Variants in XPO1 observed in about 807,000 individuals in gnomAD.
The protein encoded by XPO1 is exportin 1.
XPO1 carries 5 observed loss-of-function variants against 133.3 expected under a neutral mutation model. That is an observed-to-expected ratio of 0.04 (90% CI 0.02 to 0.08). The LOEUF (loss-of-function observed/expected upper bound fraction) is 0.08, where lower values mean the gene tolerates loss of function less well. Among genes scored for constraint, XPO1 ranks in the 10% least tolerant of loss-of-function variants. XPO1 has a pLI of 1.00. For missense variants in XPO1, 506 were observed against 1,267.5 expected (o/e 0.40, Z 9.12); for synonymous variants, 419 against 408.2 (o/e 1.03, Z -0.32).
At chr2:61,496,144 C>A (rs987844657) in intron 10 of XPO1, among the ~76,000 whole-genome samples, 1 of 152,054 alleles carries the variant, frequency 6.6e-6, no homozygotes, top group Non-Finnish European at 1.5e-5. Context: ...GTATTTCTCA[C>A]TGACATTGAA....
intron 17 of XPO1, among the ~76,000 whole-genome samples, chr2:61,489,544 A>G (rs954160927): frequency 1.3e-5 from 2 of 151,946 alleles, no homozygotes; most frequent in African/African-American, 4.8e-5. Flanking sequence ...CTTAAGAATG[A>G]AGTAATATAG....
Position 61,478,059 on chromosome 2 carries a change from T to A in XPO1, c.*761A>T. 1 of 232,446 alleles carries A rather than the reference T, an allele frequency of 4.3e-6. No homozygotes were observed. Among genetic ancestry groups the A allele is most frequent in the Admixed American group, 5.6e-5 (1 of 17,718 alleles). 14.4% of individuals were successfully genotyped at this position (232,446 alleles called of 1,614,324 possible). ...GTTGTTTTGTTTTTTAATGAGTTGT[T>A]AAAAAGATGCAGCCTATTCTAACAG... On this transcript the variant is annotated 3_prime_UTR_variant, in exon 25 of 25. Transcript: ENST00000401558.
At chr2:61,500,012 C>T (rs1433221070) in intron 6 of XPO1, 118 bp from the exon 7 acceptor site, 4 of 1,021,870 alleles carry the variant, frequency 3.9e-6, no homozygotes, top group Non-Finnish European at 5.7e-6. Flanking sequence ...TTTTCATTTT[C>T]TCCTCCTTTA....
chr2:61,482,033 C>CTTTTTTTTTTTTTTTTTTTTTTTT lies in XPO1; in HGVS notation c.2972+346_2972+347insAAAAAAAAAAAAAAAAAAAAAAAA, dbSNP rs1491506588. ...TACAGTCATGAGCCACCGTGCGTGG[C>CTTTTTTTTTTTTTTTTTTTTTTTT]CTTTTTTTTTTTTTTTTTTTTTTTG... is the stretch of plus-strand genomic sequence containing the variant. On this transcript the variant is annotated intron_variant, in intron 23 of 24. Coordinates refer to ENST00000401558, the MANE Select transcript of XPO1 (RefSeq NM_003400.4). Among the ~76,000 whole-genome samples the CTTTTTTTTTTTTTTTTTTTTTTTT allele has an allele frequency of 7.7e-4, 67 of 86,830 alleles. 16 individuals are homozygous for CTTTTTTTTTTTTTTTTTTTTTTTT. Among genetic ancestry groups the CTTTTTTTTTTTTTTTTTTTTTTTT allele is most frequent in the Non-Finnish European group, 1.2e-3 (48 of 40,032 alleles). 57.0% of individuals were successfully genotyped at this position (86,830 alleles called of 152,430 possible).
rs1202049539 is a variant in XPO1 at position 61,482,523 on chromosome 2, T to C, written c.2829A>G (p.Ala943=). The change falls in exon 23 of 25, where the codon GCA becomes GCG. Residue 943 remains alanine, a synonymous_variant. Coordinates refer to ENST00000401558, the MANE Select transcript of XPO1 (RefSeq NM_003400.4). ...AATTAAACATATATGCAAGAATTGATGCATGCATTGTTAAACCTGTTGATA... is the reference window on the plus strand; with the variant it reads ...AATTAAACATATATGCAAGAATTGACGCATGCATTGTTAAACCTGTTGATA... ...TSHTAGLTMH[A]SILAYMFNLV... 4 of 1,609,324 alleles carry C rather than the reference T, an allele frequency of 2.5e-6. No individual in the cohort carries two copies. Among genetic ancestry groups the C allele is most frequent in the South Asian group, 1.1e-5 (1 of 90,418 alleles).
intron 4 of XPO1, among the ~76,000 whole-genome samples, chr2:61,520,612 T>C (rs914899456): frequency 6.6e-6 from 1 of 152,152 alleles, no homozygotes; most frequent in African/African-American, 2.4e-5. Flanking sequence ...GCCAATGCAC[T>C]CCAGCCTGAG....
At chr2:61,491,622 C>A (rs768417893) in intron 16 of XPO1, among the ~76,000 whole-genome samples, 3 of 151,982 alleles carry the variant, frequency 2.0e-5, no homozygotes, top group Non-Finnish European at 2.9e-5. Flanking sequence ...CCAGGCTGGG[C>A]GTGGTGGCTC....
intron 2 of XPO1, 54 bp downstream of exon 2, chr2:61,533,718 C>A: frequency 7.2e-7 from 1 of 1,396,042 alleles, no homozygotes; most frequent in Middle Eastern, 1.9e-4. Context: ...ATTCTAAACC[C>A]AACAACTCTG....
intron 4 of XPO1, among the ~76,000 whole-genome samples, chr2:61,515,069 T>TTAAA (rs1553412376): frequency 7.8e-6 from 1 of 127,394 alleles, no homozygotes; most frequent in Non-Finnish European, 1.6e-5. Flanking sequence ...GTGACTGTCT[T>TTAAA]AAAAAAAAAA....
chr2:61,494,998 C>T (rs1697175969), intron 11 of XPO1, among the ~76,000 whole-genome samples: 1 of 151,762 alleles, frequency 6.6e-6, no homozygotes, highest in South Asian at 2.1e-4. Flanking sequence ...TGTGACACCA[C>T]GCACAGCTAA....
chr2:61,511,669 G>C (rs1698103124), intron 4 of XPO1, among the ~76,000 whole-genome samples: 1 of 152,174 alleles, frequency 6.6e-6, no homozygotes, highest in Admixed American at 6.5e-5. Context: ...AAACTGCTGG[G>C]ATTGCAGGCC....
chr2:61,517,127 C>G (rs1009542357), intron 4 of XPO1, among the ~76,000 whole-genome samples: 1 of 152,060 alleles, frequency 6.6e-6, no homozygotes, highest in African/African-American at 2.4e-5. Context: ...TAGTCTCGAA[C>G]TGACCTCAGG....
chr2:61,489,056 C>T (rs1290798363), intron 17 of XPO1, among the ~76,000 whole-genome samples: 3 of 151,054 alleles, frequency 2.0e-5, no homozygotes, highest in South Asian at 2.1e-4. Flanking sequence ...GAGCCGAGAT[C>T]GCACCACTGC....
At position 61,482,341 on chromosome 2, in the gene XPO1, G is replaced by GGATT. The variant is rs1696430435; in HGVS notation, c.2972+38_2972+39insAATC. ...ATTACAGGTGTGAGCCACTGTGCCC[G>GGATT]ACCAGGAACATTCTACGTTTATTAA... On this transcript the variant is annotated intron_variant, in intron 23 of 24. Coordinates refer to ENST00000401558, the MANE Select transcript of XPO1 (RefSeq NM_003400.4). 10 of 1,542,758 alleles carry GGATT rather than the reference G, an allele frequency of 6.5e-6. No individual in the cohort carries two copies. The South Asian group carries it at 1.2e-4, about 19-fold the overall frequency.
rs781424037 is a variant in XPO1 at position 61,492,873 on chromosome 2, T to C, written c.1384+42A>G. 1.1e-5 allele frequency: 17 copies of C among 1,571,062 alleles called. No homozygotes were observed. The highest frequency in any genetic ancestry group is 2.7e-5 in the African/African-American group (2 of 73,298). ...CCTAAAATGTATTTCCACCCCAGAA[T>C]AGATTTATAAAGGTAAAGATTAACA... On this transcript the variant is annotated intron_variant, in intron 13 of 24. Transcript: ENST00000401558. The surrounding 1 kb of genome is among the most constrained non-coding windows in gnomAD (Gnocchi z 5.6).
chr2:61,512,376 T>G (rs570158866), intron 4 of XPO1, among the ~76,000 whole-genome samples: 5 of 152,210 alleles, frequency 3.3e-5, no homozygotes, highest in Non-Finnish European at 7.3e-5. Context: ...TGCTCTGAAT[T>G]CCATAGTCAA....
intron 22 of XPO1, 58 bp from the exon 23 acceptor site, chr2:61,482,597 GTTTTT>G: frequency 1.2e-5 from 14 of 1,195,108 alleles, no homozygotes; most frequent in Non-Finnish European, 1.5e-5. Context: ...AGATCTTAGC[GTTTTT>G]TTTTGTTTTG....
chr2:61,507,555 A>T (rs1697889043), intron 4 of XPO1, among the ~76,000 whole-genome samples: 1 of 151,792 alleles, frequency 6.6e-6, no homozygotes, highest in Non-Finnish European at 1.5e-5. Context: ...TGGGCAACAG[A>T]GGGGATCTCT....
chr2:61,487,228 C>T lies in XPO1; in HGVS notation c.2313+937G>A, dbSNP rs182110738. 2.0e-5 allele frequency among the ~76,000 whole-genome samples: 3 copies of T among 152,228 alleles called. No individual in the cohort carries two copies. The East Asian group carries it at 5.8e-4, about 29-fold the overall frequency. On this transcript the variant is annotated intron_variant, in intron 19 of 24. Coordinates refer to ENST00000401558, the MANE Select transcript of XPO1 (RefSeq NM_003400.4). ...GTTTCATGTGAACAAATATCCCAAA[C>T]TTTAACATTAATGTTACAAAAGATG...
Sources: allele counts gnomAD v4.1 joint callset (sites outside exome capture counted in the v4.1 genomes callset), GRCh38; gene constraint gnomAD v4.1.1; non-coding constraint Gnocchi (gnomAD v3.1); transcripts MANE v1.5; gene names NCBI Gene and HGNC (gene_info 2026-07-23, HGNC 2026-07-21).